The following CNTLN variants were observed in gnomAD, a reference collection of about 807,000 sequenced individuals.
CNTLN encodes centlein, also known as centlein, centrosomal protein.
Under a neutral mutation model 180.0 loss-of-function variants are expected in CNTLN, and 212 were observed. The ratio of observed to expected loss-of-function variants is 1.18; its 90% CI spans 1.05 to 1.32. The LOEUF is 1.32. CNTLN is among the 40% of genes most tolerant of loss of function. The pLI, the probability that CNTLN is intolerant of heterozygous loss-of-function variation, is 0.00. For synonymous variants in CNTLN, 722 were observed against 563.1 expected, an observed-to-expected ratio of 1.28 and a Z score of -3.99; for missense variants, 2,095 against 1,610.9, an observed-to-expected ratio of 1.30 and a Z score of -5.14.
intron 14 of CNTLN, among the ~76,000 whole-genome samples, chr9:17,394,251 G>A (rs1337539248): frequency 1.3e-5 from 2 of 151,962 alleles, no homozygotes; most frequent in Non-Finnish European, 2.9e-5. Flanking sequence ...TATAGCCAAG[G>A]CACTTATGAT....
chr9:17,210,986 T>G (rs1290914543), intron 2 of CNTLN, among the ~76,000 whole-genome samples: 2 of 152,202 alleles, frequency 1.3e-5, no homozygotes, highest in Non-Finnish European at 1.5e-5. Flanking sequence ...TTGCAAAAAT[T>G]TTCTCCCATT....
intron 5 of CNTLN, among the ~76,000 whole-genome samples, chr9:17,271,680 C>T (rs779936445): frequency 3.3e-5 from 5 of 152,222 alleles, no homozygotes; most frequent in African/African-American, 7.2e-5. Context: ...CATATCCCTA[C>T]GAGAGATCTT....
intron 12 of CNTLN, among the ~76,000 whole-genome samples, chr9:17,364,481 T>G (rs1360816578): frequency 6.6e-6 from 1 of 152,154 alleles, no homozygotes; most frequent in Non-Finnish European, 1.5e-5. Flanking sequence ...TTTGTCTATT[T>G]TCTGTTTCAT....
the CNTLN span, among the ~76,000 whole-genome samples, chr9:17,526,123 G>A: frequency 1.8e-4 from 28 of 152,170 alleles, no homozygotes; most frequent in African/African-American, 6.7e-4. Context: ...TTTTAGTAGA[G>A]ACGGGATTTC....
chr9:17,483,378 A>T (rs143989289), intron 23 of CNTLN, among the ~76,000 whole-genome samples: 3,059 of 152,310 alleles, frequency 0.02, 48 homozygotes, highest in South Asian at 0.063. Flanking sequence ...GCTATCTTGG[A>T]TGGAGAACAG....
intron 2 of CNTLN, among the ~76,000 whole-genome samples, chr9:17,198,552 T>A (rs1822292456): frequency 6.7e-6 from 1 of 148,754 alleles, no homozygotes; most frequent in South Asian, 2.1e-4. Flanking sequence ...TTTTTTTTTT[T>A]AGATTATTTG....
rs146281716 is a variant in CNTLN at position 17,199,490 on chromosome 9, C to T, written c.450-26713C>T. ...CCTCCCAAAGTGCTGGGATTACAGG[C>T]GTAAGCCACCATGCCCAGCTTCCTG... On this transcript the variant is annotated intron_variant, in intron 2 of 25. Coordinates refer to ENST00000380647, the MANE Select transcript of CNTLN (RefSeq NM_017738.4). Among the ~76,000 whole-genome samples, 679 of 152,238 alleles carry T rather than the reference C, an allele frequency of 4.5e-3. 2 individuals are homozygous for T. Among genetic ancestry groups the T allele is most frequent in the African/African-American group, 0.015 (606 of 41,560 alleles).
chr9:17,337,876 A>G (rs1167919669), intron 10 of CNTLN, among the ~76,000 whole-genome samples: 2 of 152,162 alleles, frequency 1.3e-5, no homozygotes, highest in Non-Finnish European at 2.9e-5. Context: ...GGTTCTATTT[A>G]CTCAGTTTCT....
chr9:17,484,445 G>C lies in CNTLN; in HGVS notation c.4006G>C (p.Asp1336His), dbSNP rs753995301. The C allele has an allele frequency of 6.2e-7, 1 of 1,603,646 alleles. No homozygotes were observed. The highest frequency in any genetic ancestry group is 8.5e-7 in the Non-Finnish European group (1 of 1,177,606). ...AASILNISRS[D>H]LEEILDTEDQ... Reference sequence around the variant, plus strand: ...TTCTATCCTGAACATTTCACGGTCAGATTTAGAGGAAATATTAGACACAGA... The same window carrying C: ...TTCTATCCTGAACATTTCACGGTCACATTTAGAGGAAATATTAGACACAGA... Residue 1336 changes from aspartate to histidine, a missense_variant, in exon 24 of 26, where the codon GAT becomes CAT. Transcript: ENST00000380647.
intron 18 of CNTLN, among the ~76,000 whole-genome samples, chr9:17,440,727 G>A (rs1830061240): frequency 6.6e-6 from 1 of 152,206 alleles, no homozygotes; most frequent in African/African-American, 2.4e-5. Context: ...AAACTGTGGT[G>A]TATCCATGCA....
intron 12 of CNTLN, among the ~76,000 whole-genome samples, chr9:17,343,428 A>G (rs1240406576): frequency 1.3e-5 from 2 of 152,188 alleles, no homozygotes; most frequent in Non-Finnish European, 1.5e-5. Context: ...TATTTTATAT[A>G]CTACATGATA....
At chr9:17,281,682 A>G (rs1828674319) in intron 6 of CNTLN, among the ~76,000 whole-genome samples, 1 of 152,094 alleles carries the variant, frequency 6.6e-6, no homozygotes, top group Admixed American at 6.6e-5. Context: ...TATCCAGTCT[A>G]TCTTTGATGG....
At chr9:17,286,737 G>A (rs111482984) in intron 6 of CNTLN, among the ~76,000 whole-genome samples, 2 of 108,738 alleles carry the variant, frequency 1.8e-5, no homozygotes, top group Non-Finnish European at 3.6e-5. Context: ...TTGTAAGTTG[G>A]ATTCCTAGGT....
Position 17,503,266 on chromosome 9 carries a change from C to T in CNTLN, c.*614C>T, listed in dbSNP as rs1833844444. ...TCTTCTCTCTCTTAACTTCACAATA[C>T]TATACGTTGTGTAGTCATATAAATT... On this transcript the variant is annotated 3_prime_UTR_variant, in exon 26 of 26. Coordinates refer to ENST00000380647, the MANE Select transcript of CNTLN (RefSeq NM_017738.4). 1 of 152,210 alleles carries T rather than the reference C, an allele frequency of 6.6e-6. No individual in the cohort carries two copies. The highest frequency in any genetic ancestry group is 2.4e-5 in the African/African-American group (1 of 41,448). The allele number at this position is 152,210 out of a possible 1,614,324, so 9.4% of individuals were successfully genotyped here.
At chr9:17,162,642 T>C (rs2131595123) in intron 2 of CNTLN, among the ~76,000 whole-genome samples, 1 of 152,334 alleles carries the variant, frequency 6.6e-6, no homozygotes, top group Non-Finnish European at 1.5e-5. Flanking sequence ...GTATAATTAA[T>C]TATTTTTCCA....
At chr9:17,184,974 T>C (rs1461831595) in intron 2 of CNTLN, among the ~76,000 whole-genome samples, 1 of 152,190 alleles carries the variant, frequency 6.6e-6, no homozygotes, top group Non-Finnish European at 1.5e-5. Flanking sequence ...TCTAATTAAG[T>C]CTCAGAACTT....
At chr9:17,209,547 G>C (rs926074244) in intron 2 of CNTLN, among the ~76,000 whole-genome samples, 1 of 152,130 alleles carries the variant, frequency 6.6e-6, no homozygotes, top group Non-Finnish European at 1.5e-5. Flanking sequence ...TCTTGTACTT[G>C]GGCCTTGCTT....
chr9:17,230,858 C>G (rs187844778), intron 3 of CNTLN, among the ~76,000 whole-genome samples: 33 of 152,164 alleles, frequency 2.2e-4, no homozygotes, highest in Admixed American at 1.7e-3. Context: ...CCAAGCATGA[C>G]TGAGCCATCC....
chr9:17,389,938 C>G (rs1825967105), intron 14 of CNTLN, among the ~76,000 whole-genome samples: 1 of 151,906 alleles, frequency 6.6e-6, no homozygotes, highest in Non-Finnish European at 1.5e-5. Flanking sequence ...TTCAACATGA[C>G]TGGTGTCTTT....
Sources: gnomAD v4.1 joint callset for allele counts (sites outside exome capture counted in the v4.1 genomes callset) on GRCh38, gnomAD v4.1.1 for gene constraint, MANE v1.5 for transcripts, NCBI Gene and HGNC (gene_info 2026-07-23, HGNC 2026-07-21) for gene names.